The following CHFR variants were observed in gnomAD, a reference collection of about 807,000 sequenced individuals.
The protein encoded by CHFR is E3 ubiquitin-protein ligase CHFR.
In CHFR, 57 loss-of-function variants were observed where a neutral mutation model predicts 87.6. The ratio of observed to expected loss-of-function variants is 0.65; its 90% CI spans 0.53 to 0.81. The LOEUF (loss-of-function observed/expected upper bound fraction) is 0.81. Among genes scored for constraint, CHFR ranks in the 30% least tolerant of loss-of-function variants. The probability of loss-of-function intolerance (pLI) is 0.00; values close to 1 mark genes in which losing one functional copy is unlikely to be tolerated. For missense variants in CHFR, 797 were observed against 865.8 expected (o/e 0.92, Z 1.00); for synonymous variants, 381 against 359.2 (o/e 1.06, Z -0.69).
intron 6 of CHFR, among the ~76,000 whole-genome samples, chr12:132,865,277 C>T (rs1423273965): frequency 6.6e-6 from 1 of 152,138 alleles, no homozygotes; most frequent in Admixed American, 6.5e-5. Flanking sequence ...TTTAAGGAAC[C>T]TGGAAGATAC....
chr12:132,887,479 C>A lies in CHFR; in HGVS notation c.-13+68G>T, dbSNP rs1044009742. 7 of 487,784 alleles carry A rather than the reference C, an allele frequency of 1.4e-5. No individual in the cohort carries two copies. In the African/African-American group the frequency reaches 1.5e-4, roughly 10 times the overall value. The allele number at this position is 487,784 out of a possible 1,614,324, so 30.2% of individuals were successfully genotyped here. A position where few individuals can be genotyped will look rare whatever the true frequency, so the allele number is the denominator to read the frequency against. On this transcript the variant is annotated intron_variant, in intron 1 of 17. Coordinates refer to ENST00000450056, the MANE Select transcript of CHFR (RefSeq NM_001161346.2). ...GCCCGGCCTGGACGCCGGCGGGCGC[C>A]CCCTCCCACGGCCGCAACCAGGTCC...
At chr12:132,884,485 C>G (rs983672568) in intron 2 of CHFR, among the ~76,000 whole-genome samples, 3 of 151,730 alleles carry the variant, frequency 2.0e-5, no homozygotes, top group Admixed American at 2.0e-4. Flanking sequence ...CTGTTAGGAA[C>G]TGAATGTTTG....
rs755463602 is a variant in CHFR at position 132,847,139 on chromosome 12, CA to C, written c.1648-10del. The C allele has an allele frequency of 6.2e-6, 10 of 1,605,536 alleles. No individual in the cohort carries two copies. Among genetic ancestry groups the C allele is most frequent in the Non-Finnish European group, 7.6e-6 (9 of 1,176,964 alleles). ...CTGGTTGCCAGGTAATTCTGTGACG[CA>C]AAAAAAGAGAGGAATAAGAAATACT... On this transcript the variant is annotated splice_polypyrimidine_tract_variant and intron_variant, in intron 14 of 17. Transcript: ENST00000450056.
chr12:132,859,952 G>T (rs978402011), intron 7 of CHFR, among the ~76,000 whole-genome samples: 2 of 152,100 alleles, frequency 1.3e-5, no homozygotes, highest in Non-Finnish European at 2.9e-5. Flanking sequence ...GGCTGAGGTG[G>T]GAGGACAGTC....
At position 132,856,603 on chromosome 12, in the gene CHFR, T is replaced by C. The variant is rs777930523; in HGVS notation, c.1094A>G (p.Gln365Arg). The change falls in exon 10 of 18, where the codon CAA becomes CGA. Residue 365 changes from glutamine to arginine, a missense_variant. Transcript: ENST00000450056. ...GATTTTATTTCTGGCATCCATACTT[T>C]GCACATCTTCTTCACTGCGACTCTT... Reference protein sequence around the residue: ...PDKSRSEEDVQSMDARNKITQ... With the variant: ...PDKSRSEEDVRSMDARNKITQ... 5.0e-6 allele frequency: 8 copies of C among 1,614,182 alleles called. No individual in the cohort carries two copies. The South Asian group carries it at 5.5e-5, about 11-fold the overall frequency.
chr12:132,844,478 G>A (rs1201189883), intron 15 of CHFR, among the ~76,000 whole-genome samples: 1 of 138,276 alleles, frequency 7.2e-6, no homozygotes, highest in Non-Finnish European at 1.7e-5. Context: ...TAGAGACTGG[G>A]TTTCACCGTG....
At chr12:132,849,272 C>T (rs1405623705) in intron 12 of CHFR, 1 of 152,416 alleles carries the variant, frequency 6.6e-6, no homozygotes, top group Non-Finnish European at 1.5e-5. Context: ...GTTTCTTAAA[C>T]TGAACATTTA....
Position 132,836,885 on chromosome 12 carries a change from T to G in CHFR, c.*4669A>C. On this transcript the variant is annotated 3_prime_UTR_variant, in exon 18 of 18. Coordinates refer to ENST00000450056, the MANE Select transcript of CHFR (RefSeq NM_001161346.2). ...CCTGGGGCCAAACATTTCAGACAAA[T>G]AAACAACAGTGGGCAGACAGGCAAG... 1 of 397,564 alleles carries G rather than the reference T, an allele frequency of 2.5e-6. No individual in the cohort carries two copies. Among genetic ancestry groups the G allele is most frequent in the South Asian group, 1.8e-5 (1 of 54,304 alleles). The allele number at this position is 397,564 out of a possible 1,614,324, so 24.6% of individuals were successfully genotyped here.
chr12:132,861,624 A>G lies in CHFR; in HGVS notation c.594T>C (p.Gly198=). 6.2e-7 allele frequency: 1 copy of G among 1,613,838 alleles called. No individual in the cohort carries two copies. The highest frequency in any genetic ancestry group is 8.5e-7 in the Non-Finnish European group (1 of 1,179,894). Residue 198 remains glycine, a synonymous_variant, in exon 7 of 18, where the codon GGT becomes GGC. Coordinates refer to ENST00000450056, the MANE Select transcript of CHFR (RefSeq NM_001161346.2). ...RERSSSCGSG[G]GGISPKGSGP... is the part of the protein sequence containing the mutation. ...CACTTCCTTTAGGGGAGATGCCACC[A>G]CCCCCAGACCCTGTGAGAGGAATCA... is the stretch of plus-strand genomic sequence containing the variant.
chr12:132,861,567 G>C lies in CHFR; in HGVS notation c.651C>G (p.Ser217Arg). The change falls in exon 7 of 18, where the codon AGC becomes AGG. Residue 217 changes from serine to arginine, a missense_variant. This residue lies in a region of CHFR where 597 missense variants were observed against 601.2 expected (regional missense o/e 0.99). Transcript: ENST00000450056. The part of the protein sequence containing the change: ...GPSVASDEVS[S>R]FASALPDRKT... ...TTCTGTCTGGGAGAGCTGAGGCAAA[G>C]CTGGAGACTTCATCACTTGCCACAG... 1 of 1,614,210 alleles carries C rather than the reference G, an allele frequency of 6.2e-7. No individual in the cohort carries two copies. The highest frequency in any genetic ancestry group is 8.5e-7 in the Non-Finnish European group (1 of 1,180,024).
intron 14 of CHFR, chr12:132,847,612 G>T: frequency 9.3e-7 from 1 of 1,075,828 alleles, no homozygotes; most frequent in Non-Finnish European, 1.1e-6. Flanking sequence ...CCCCACCATT[G>T]TGTGTGCTGT....
intron 6 of CHFR, among the ~76,000 whole-genome samples, chr12:132,869,058 G>A (rs1175880588): frequency 2.6e-5 from 2 of 76,270 alleles, no homozygotes; most frequent in Non-Finnish European, 4.7e-5. Flanking sequence ...GAGGGGAAGG[G>A]GACATGGGGA....
At chr12:132,882,982 A>AC (rs1162141335) in intron 2 of CHFR, 2 of 152,214 alleles carry the variant, frequency 1.3e-5, no homozygotes, top group East Asian at 1.9e-4. Flanking sequence ...GATTACAGGC[A>AC]TGAGCCACCG....
At chr12:132,878,799 G>A (rs1951693826) in intron 2 of CHFR, among the ~76,000 whole-genome samples, 1 of 132,572 alleles carries the variant, frequency 7.5e-6, no homozygotes. Flanking sequence ...CAGCCTGGGT[G>A]ACAGAGCAAG....
Position 132,835,650 on chromosome 12 carries a change from C to G in CHFR, c.*5904G>C, listed in dbSNP as rs1950640713. On this transcript the variant is annotated 3_prime_UTR_variant, in exon 18 of 18. Coordinates refer to ENST00000450056, the MANE Select transcript of CHFR (RefSeq NM_001161346.2). Reference sequence around the variant, plus strand: ...CAAAGAGGAACCGGCCCCGCTGACACCCTGATCTCAGAGTTCCAGGCCCCA... The same window carrying G: ...CAAAGAGGAACCGGCCCCGCTGACAGCCTGATCTCAGAGTTCCAGGCCCCA... The G allele has an allele frequency of 5.1e-6, 1 of 197,418 alleles. No individual in the cohort carries two copies. The highest frequency in any genetic ancestry group is 1.1e-5 in the Non-Finnish European group (1 of 94,404). The allele number at this position is 197,418 out of a possible 1,614,324, so 12.2% of individuals were successfully genotyped here.
intron 2 of CHFR, among the ~76,000 whole-genome samples, chr12:132,879,471 A>C (rs1951716998): frequency 6.7e-6 from 1 of 149,680 alleles, no homozygotes. Flanking sequence ...GCTCACTGCA[A>C]CCTCTGCCTC....
At position 132,868,678 on chromosome 12, in the gene CHFR, TCAA is replaced by T. The variant is rs201692885; in HGVS notation, c.583+938_583+940del. On this transcript the variant is annotated intron_variant, in intron 6 of 17. Transcript: ENST00000450056. ...CTGAGCGACAGAGCGAGACTCCGTC[TCAA>T]CAACAACAAAAAAGAGCACGCATGA... 4.3e-3 allele frequency among the ~76,000 whole-genome samples: 655 copies of T among 152,072 alleles called. 1 individual carries two copies. The highest frequency in any genetic ancestry group is 0.015 in the African/African-American group (616 of 41,422).
intron 2 of CHFR, among the ~76,000 whole-genome samples, chr12:132,882,502 C>A (rs533209459): frequency 8.5e-5 from 13 of 152,120 alleles, no homozygotes; most frequent in Non-Finnish European, 1.5e-4. Flanking sequence ...GCCATGAAAC[C>A]GGATATTAAA....
At chr12:132,849,976 C>T (rs1270314770) in intron 12 of CHFR, 1 of 151,758 alleles carries the variant, frequency 6.6e-6, no homozygotes, top group African/African-American at 2.4e-5. Context: ...TTATTTTAGA[C>T]AGAGTCTTGC....
Sources: gnomAD v4.1 joint callset for allele counts (sites outside exome capture counted in the v4.1 genomes callset) on GRCh38, gnomAD v4.1.1 for gene constraint, gnomAD v4.1.1 regional missense constraint, MANE v1.5 for transcripts, NCBI Gene and HGNC (gene_info 2026-07-23, HGNC 2026-07-21) for gene names.